The following KATNAL1 variants were observed in gnomAD, a reference collection of about 807,000 sequenced individuals.
KATNAL1 encodes katanin p60 ATPase-containing subunit A-like 1.
KATNAL1 carries 32 observed loss-of-function variants against 55.2 expected under a neutral mutation model. That is an observed-to-expected ratio of 0.58 (90% CI 0.44 to 0.78). KATNAL1 has a LOEUF of 0.78. KATNAL1 is among the 30% of genes least tolerant of loss of function. The probability of loss-of-function intolerance (pLI) is 0.00; values close to 1 mark genes in which losing one functional copy is unlikely to be tolerated. For synonymous variants in KATNAL1, 193 were observed against 193.6 expected (o/e 1.00, Z 0.02); for missense variants, 466 against 600.9 (o/e 0.78, Z 2.35).
At chr13:30,287,913 T>A (rs1379014591) in intron 1 of KATNAL1, among the ~76,000 whole-genome samples, 3 of 152,200 alleles carry the variant, frequency 2.0e-5, no homozygotes, top group African/African-American at 7.2e-5. Flanking sequence ...AAATGAAGGA[T>A]ATTATATAAC....
chr13:30,269,219 T>C (rs1046432438), intron 3 of KATNAL1, among the ~76,000 whole-genome samples: 1 of 152,250 alleles, frequency 6.6e-6, no homozygotes. Flanking sequence ...GTGCCTGCGA[T>C]TGCAGGCGCA....
At chr13:30,218,192 T>C (rs1002166875) in intron 9 of KATNAL1, among the ~76,000 whole-genome samples, 1 of 116,690 alleles carries the variant, frequency 8.6e-6, no homozygotes, top group African/African-American at 3.3e-5. Flanking sequence ...AGATGTGAAC[T>C]TGCAGTAAAA....
At chr13:30,266,217 G>A (rs1879772251) in intron 3 of KATNAL1, among the ~76,000 whole-genome samples, 1 of 151,756 alleles carries the variant, frequency 6.6e-6, no homozygotes, top group Non-Finnish European at 1.5e-5. Flanking sequence ...GGCCAAGCTG[G>A]TCTTGAACTC....
At chr13:30,282,954 C>CAAAAAAAAAAAGA (rs1240312031) in intron 2 of KATNAL1, among the ~76,000 whole-genome samples, 1 of 79,680 alleles carries the variant, frequency 1.3e-5, no homozygotes, top group Non-Finnish European at 2.5e-5. Context: ...GACTCCGTCT[C>CAAAAAAAAAAAGA]AAAAAAAAAA....
intron 4 of KATNAL1, among the ~76,000 whole-genome samples, chr13:30,248,054 A>C (rs1221517500): frequency 6.6e-6 from 1 of 152,250 alleles, no homozygotes; most frequent in East Asian, 1.9e-4. Context: ...TGGGAAACTT[A>C]AGATAGTTCA....
At position 30,240,979 on chromosome 13, in the gene KATNAL1, G is replaced by C; in HGVS notation, c.600C>G (p.Ser200=). 1 of 1,612,598 alleles carries C rather than the reference G, an allele frequency of 6.2e-7. No homozygotes were observed. Among genetic ancestry groups the C allele is most frequent in the Non-Finnish European group, 8.5e-7 (1 of 1,179,418 alleles). Residue 200 remains serine, a synonymous_variant, in exon 5 of 11, where the codon TCC becomes TCG. Transcript: ENST00000380615. ...CTAACCAATGAATGCTAGGATTCCT[G>C]GATACAATGTCTCTTTCAAGGGCTT... ...LVEALERDIV[S]RNPSIHWDDI... is the part of the protein sequence containing the mutation.
chr13:30,255,710 A>G, intron 3 of KATNAL1, 95 bp from the exon 4 acceptor site: 1 of 1,161,044 alleles, frequency 8.6e-7, no homozygotes, highest in Non-Finnish European at 1.1e-6. Flanking sequence ...AAATTGTTAA[A>G]TCAAAAAGCC....
At position 30,280,051 on chromosome 13, in the gene KATNAL1, A is replaced by C. The variant is rs1211010727; in HGVS notation, c.323+12T>G. 1.8e-5 allele frequency: 29 copies of C among 1,600,934 alleles called. No individual in the cohort carries two copies. Among genetic ancestry groups the C allele is most frequent in the Non-Finnish European group, 2.5e-5 (29 of 1,176,094 alleles). On this transcript the variant is annotated intron_variant, in intron 3 of 10. Coordinates refer to ENST00000380615, the MANE Select transcript of KATNAL1 (RefSeq NM_032116.5). ...CTAGAAGCACCTAAAGAGAATATAAAGTCCTATTTACCTGTGTTCTGCAGG... is the reference window on the plus strand; with the variant it reads ...CTAGAAGCACCTAAAGAGAATATAACGTCCTATTTACCTGTGTTCTGCAGG...
At chr13:30,296,177 C>G (rs937528656) in intron 1 of KATNAL1, 9 of 626,232 alleles carry the variant, frequency 1.4e-5, no homozygotes. Flanking sequence ...CATGGGAAAG[C>G]CTGCCCCTAA....
At chr13:30,261,916 T>C (rs1441354595) in intron 3 of KATNAL1, among the ~76,000 whole-genome samples, 1 of 152,106 alleles carries the variant, frequency 6.6e-6, no homozygotes, top group Non-Finnish European at 1.5e-5. Flanking sequence ...AGAATATACA[T>C]TTTTTTCAGC....
At chr13:30,216,614 C>T (rs7988286) in intron 9 of KATNAL1, among the ~76,000 whole-genome samples, 7,089 of 152,174 alleles carry the variant, frequency 0.047, 579 homozygotes, top group African/African-American at 0.16. Flanking sequence ...CCAACAGGCT[C>T]GCAGGGAGTA....
At position 30,306,453 on chromosome 13, in the gene KATNAL1, A is replaced by AG. The variant is rs11301540; in HGVS notation, c.-15+877dup. Among the ~76,000 whole-genome samples, 61 of 150,920 alleles carry AG rather than the reference A, an allele frequency of 4.0e-4. 1 individual carries two copies. The East Asian group carries it at 6.3e-3, about 16-fold the overall frequency. On this transcript the variant is annotated intron_variant, in intron 1 of 10. Transcript: ENST00000380615. Reference sequence around the variant, plus strand: ...TGTGTAGGCAGTGTTCAGGCTGGCAAGGGGGGGGTGGGGTGGAGCACTCAT... The same window carrying AG: ...TGTGTAGGCAGTGTTCAGGCTGGCAAGGGGGGGGGTGGGGTGGAGCACTCAT...
chr13:30,287,427 T>A (rs1881861117), intron 1 of KATNAL1, among the ~76,000 whole-genome samples: 2 of 152,170 alleles, frequency 1.3e-5, no homozygotes, highest in South Asian at 4.1e-4. Flanking sequence ...TGTGAAGAGG[T>A]GCCTTCCGCC....
chr13:30,274,181 C>T (rs1161441644), intron 3 of KATNAL1, among the ~76,000 whole-genome samples: 1 of 152,176 alleles, frequency 6.6e-6, no homozygotes, highest in Non-Finnish European at 1.5e-5. Context: ...AAAACTTGCT[C>T]CCCAACCTTC....
chr13:30,260,068 A>AC (rs1879144426), intron 3 of KATNAL1, among the ~76,000 whole-genome samples: 2 of 151,454 alleles, frequency 1.3e-5, no homozygotes, highest in South Asian at 4.2e-4. Flanking sequence ...CCTGACCCCG[A>AC]CCCCCCAGCA....
chr13:30,288,195 G>A (rs1296823819), intron 1 of KATNAL1, among the ~76,000 whole-genome samples: 1 of 152,096 alleles, frequency 6.6e-6, no homozygotes, highest in Non-Finnish European at 1.5e-5. Context: ...TAGGTTAGGT[G>A]CTACTTTATA....
At chr13:30,292,035 CA>C (rs35744981) in intron 1 of KATNAL1, among the ~76,000 whole-genome samples, 1 of 149,026 alleles carries the variant, frequency 6.7e-6, no homozygotes, top group Non-Finnish European at 1.5e-5. Context: ...AACTCCATCT[CA>C]AAAAAAAATA....
Position 30,278,286 on chromosome 13 carries a change from A to C in KATNAL1, c.323+1777T>G, listed in dbSNP as rs145920845. Among the ~76,000 whole-genome samples the C allele has an allele frequency of 3.7e-3, 568 of 152,228 alleles. 2 individuals are homozygous for C. Among genetic ancestry groups the C allele is most frequent in the African/African-American group, 0.013 (534 of 41,580 alleles). ...TTTCTGATCCAAAGAGGAAAAAAAA[A>C]ACACACATACAATGGCTATGCACAA... On this transcript the variant is annotated intron_variant, in intron 3 of 10. Transcript: ENST00000380615.
intron 1 of KATNAL1, among the ~76,000 whole-genome samples, chr13:30,298,261 A>G (rs902606619): frequency 3.3e-5 from 5 of 152,164 alleles, no homozygotes; most frequent in African/African-American, 1.2e-4. Context: ...AAAATAAATA[A>G]ACTCATATGG....
Sources: allele counts gnomAD v4.1 joint callset (sites outside exome capture counted in the v4.1 genomes callset), GRCh38; gene constraint gnomAD v4.1.1; transcripts MANE v1.5; gene names NCBI Gene and HGNC (gene_info 2026-07-23, HGNC 2026-07-21).